Variants in FAM13C observed in about 807,000 individuals in gnomAD.
FAM13C encodes protein FAM13C.
In FAM13C, 37 loss-of-function variants were observed where a neutral mutation model predicts 73.2. The observed-to-expected ratio is 0.51, with a 90% CI of 0.39 to 0.67. The LOEUF is 0.67. Ranked by LOEUF, FAM13C falls within the 30% of genes least tolerant of loss-of-function variation. The pLI, the probability that FAM13C is intolerant of heterozygous loss-of-function variation, is 0.00. For missense variants in FAM13C, 589 were observed against 715.6 expected (o/e 0.82, Z 2.02); for synonymous variants, 246 against 260.9 (o/e 0.94, Z 0.55).
chr10:59,340,601 G>A (rs1301151294), intron 3 of FAM13C, among the ~76,000 whole-genome samples: 1 of 152,062 alleles, frequency 6.6e-6, no homozygotes, highest in African/African-American at 2.4e-5. Flanking sequence ...CATGAAGTGG[G>A]AGTGGGGTAC....
chr10:59,269,781 T>G, intron 7 of FAM13C, 118 bp downstream of exon 7: 1 of 1,191,128 alleles, frequency 8.4e-7, no homozygotes, highest in South Asian at 1.5e-5. Flanking sequence ...TGTTCCAGTC[T>G]CGCAGTTGCG....
chr10:59,321,053 A>G (rs1850174591), intron 4 of FAM13C, among the ~76,000 whole-genome samples: 1 of 152,228 alleles, frequency 6.6e-6, no homozygotes, highest in African/African-American at 2.4e-5. Context: ...CTAGAAAAAA[A>G]TAAACATACA....
intron 4 of FAM13C, among the ~76,000 whole-genome samples, chr10:59,320,601 A>G (rs1850095726): frequency 6.6e-6 from 1 of 152,248 alleles, no homozygotes; most frequent in African/African-American, 2.4e-5. Context: ...GCCTTCCCAG[A>G]CAGAGTAGGC....
intron 4 of FAM13C, chr10:59,323,134 C>A (rs187878060): frequency 2.6e-5 from 4 of 152,340 alleles, no homozygotes; most frequent in East Asian, 3.9e-4. Flanking sequence ...TTCTAAAGGT[C>A]AGGCTCAGAA....
chr10:59,322,177 C>A (rs1267310009), intron 4 of FAM13C, among the ~76,000 whole-genome samples: 4 of 150,942 alleles, frequency 2.7e-5, no homozygotes, highest in Non-Finnish European at 5.9e-5. Context: ...CATCAAATTT[C>A]ACAATCCCTG....
chr10:59,357,562 C>A (rs761006631), intron 1 of FAM13C, among the ~76,000 whole-genome samples: 1 of 152,214 alleles, frequency 6.6e-6, no homozygotes, highest in Non-Finnish European at 1.5e-5. Context: ...CTGCATTAGA[C>A]ATTGGAACTG....
At position 59,246,345 on chromosome 10, in the gene FAM13C, T is replaced by G. The variant is rs557882619; in HGVS notation, c.*1269A>C. On this transcript the variant is annotated 3_prime_UTR_variant, in exon 14 of 14. Coordinates refer to ENST00000618804, the MANE Select transcript of FAM13C (RefSeq NM_198215.4). Reference sequence around the variant, plus strand: ...AAATTTATGAAGGACATTATTCTGATTCATAAAAGTTATAAAATATTAGGT... The same window carrying G: ...AAATTTATGAAGGACATTATTCTGAGTCATAAAAGTTATAAAATATTAGGT... 3.9e-5 allele frequency: 9 copies of G among 229,446 alleles called. No homozygotes were observed. The South Asian group carries it at 1.6e-3, about 42-fold the overall frequency. The allele number at this position is 229,446 out of a possible 1,614,324, so 14.2% of individuals were successfully genotyped here.
chr10:59,360,267 C>T (rs576043585), intron 1 of FAM13C, among the ~76,000 whole-genome samples: 77 of 152,196 alleles, frequency 5.1e-4, no homozygotes, highest in Admixed American at 2.0e-3. Context: ...TTTTTAATTT[C>T]CAATTTAATA....
chr10:59,296,373 A>G (rs1433912418), intron 5 of FAM13C, among the ~76,000 whole-genome samples: 1 of 152,242 alleles, frequency 6.6e-6, no homozygotes, highest in African/African-American at 2.4e-5. Flanking sequence ...AAATTAACAT[A>G]TTAAAGGATT....
At chr10:59,311,237 C>A (rs78411931) in intron 4 of FAM13C, among the ~76,000 whole-genome samples, 130 of 152,280 alleles carry the variant, frequency 8.5e-4, no homozygotes, top group African/African-American at 3.1e-3. Flanking sequence ...GTCAGGTGCA[C>A]AGGGCCAGCT....
chr10:59,344,724 T>C lies in FAM13C; in HGVS notation c.324+7546A>G, dbSNP rs147592421. Among the ~76,000 whole-genome samples, 798 of 152,334 alleles carry C rather than the reference T, an allele frequency of 5.2e-3. 4 individuals are homozygous for C. The highest frequency in any genetic ancestry group is 0.017 in the South Asian group (82 of 4,820). ...ATGACACAGAGCTAGTAAGTGATGCTTAAAGTCACACAGAAAGAAAGTAGC... is the reference window on the plus strand; with the variant it reads ...ATGACACAGAGCTAGTAAGTGATGCCTAAAGTCACACAGAAAGAAAGTAGC... On this transcript the variant is annotated intron_variant, in intron 3 of 13. Coordinates refer to ENST00000618804, the MANE Select transcript of FAM13C (RefSeq NM_198215.4).
At chr10:59,332,056 G>C (rs284629) in intron 3 of FAM13C, among the ~76,000 whole-genome samples, 68,261 of 151,936 alleles carry the variant, frequency 0.45, 16,236 homozygotes, top group African/African-American at 0.61. Context: ...AACCACAAGT[G>C]AGGTAACACA....
intron 4 of FAM13C, among the ~76,000 whole-genome samples, chr10:59,303,918 G>A (rs760380983): frequency 3.3e-5 from 5 of 152,170 alleles, no homozygotes. Context: ...GGGAGGCTGA[G>A]GCATGCAGGT....
chr10:59,307,793 C>A (rs139728306), intron 4 of FAM13C, among the ~76,000 whole-genome samples: 88 of 152,210 alleles, frequency 5.8e-4, no homozygotes, highest in African/African-American at 2.0e-3. Context: ...GCTCACACTG[C>A]TACAAAGTGT....
chr10:59,311,634 T>C (rs1848930789), intron 4 of FAM13C, among the ~76,000 whole-genome samples: 3 of 152,234 alleles, frequency 2.0e-5, no homozygotes, highest in Admixed American at 2.0e-4. Context: ...TTCTTCATTC[T>C]TCTGCCTCAA....
intron 5 of FAM13C, among the ~76,000 whole-genome samples, chr10:59,284,491 C>T (rs1177485891): frequency 6.6e-6 from 1 of 151,640 alleles, no homozygotes; most frequent in Non-Finnish European, 1.5e-5. Flanking sequence ...CACACCTACT[C>T]ACACCCTACC....
chr10:59,264,204 G>A (rs755787039), intron 8 of FAM13C, 38 bp from the exon 9 acceptor site: 16 of 1,094,182 alleles, frequency 1.5e-5, no homozygotes, highest in Middle Eastern at 2.1e-4. Flanking sequence ...GGAAGGGAGG[G>A]AAGGAGGGAG....
intron 4 of FAM13C, among the ~76,000 whole-genome samples, chr10:59,307,775 T>C (rs1848434728): frequency 6.6e-6 from 1 of 152,046 alleles, no homozygotes. Context: ...TGCAGGAGAA[T>C]GGCCCAAGCT....
chr10:59,326,598 T>C (rs1274268446), intron 3 of FAM13C, among the ~76,000 whole-genome samples: 7 of 152,200 alleles, frequency 4.6e-5, no homozygotes, highest in Non-Finnish European at 1.0e-4. Context: ...CAGAGATCCT[T>C]ATGATCTTGG....
Sources: gnomAD v4.1 joint callset for allele counts (sites outside exome capture counted in the v4.1 genomes callset) on GRCh38, gnomAD v4.1.1 for gene constraint, MANE v1.5 for transcripts, NCBI Gene and HGNC (gene_info 2026-07-23, HGNC 2026-07-21) for gene names.